The following DGKI variants were observed in gnomAD, a reference collection of about 807,000 sequenced individuals.
DGKI encodes diacylglycerol kinase iota, also known as DAG kinase iota.
A neutral mutation model predicts 147.5 loss-of-function variants in DGKI; 55 were observed. The observed-to-expected ratio is 0.37, with a 90% confidence interval of 0.30 to 0.47. DGKI has a LOEUF of 0.47. Among genes scored for constraint, DGKI ranks in the 20% least tolerant of loss-of-function variants. The pLI, the probability that DGKI is intolerant of heterozygous loss-of-function variation, is 1.00. For synonymous variants in DGKI, 469 were observed against 477.1 expected, an observed-to-expected ratio of 0.98 and a Z score of 0.22; for missense variants, 1,007 against 1,323.8, an observed-to-expected ratio of 0.76 and a Z score of 3.71.
rs76107972 is a variant in DGKI at position 137,723,344 on chromosome 7, G to A, written c.402-33342C>T. On this transcript the variant is annotated intron_variant, in intron 1 of 32. Transcript: ENST00000614521. ...TATATGTGCAAACTCTGCTCCAGGC[G>A]CCATGCTAGACACTTGTGAGAACTG... is the stretch of plus-strand genomic sequence containing the variant. Among the ~76,000 whole-genome samples, 1,307 of 152,268 alleles carry A rather than the reference G, an allele frequency of 8.6e-3. 18 individuals are homozygous for A. The highest frequency in any genetic ancestry group is 0.03 in the African/African-American group (1,232 of 41,542).
chr7:137,823,097 A>G (rs1797950843), intron 1 of DGKI, among the ~76,000 whole-genome samples: 1 of 152,152 alleles, frequency 6.6e-6, no homozygotes, highest in Admixed American at 6.5e-5. Context: ...CTTGGCATTA[A>G]AAGTTTTTAG....
At chr7:137,490,386 T>C (rs1481937839) in intron 21 of DGKI, among the ~76,000 whole-genome samples, 1 of 152,204 alleles carries the variant, frequency 6.6e-6, no homozygotes, top group Non-Finnish European at 1.5e-5. Flanking sequence ...AAATAAATTA[T>C]CAAAACATCA....
intron 29 of DGKI, among the ~76,000 whole-genome samples, chr7:137,408,342 T>C (rs1320927029): frequency 1.3e-5 from 2 of 152,246 alleles, no homozygotes; most frequent in Admixed American, 6.5e-5. Flanking sequence ...ATCTCTATGT[T>C]GGCTTAGCAT....
chr7:137,670,530 A>G (rs1822805869), intron 3 of DGKI, among the ~76,000 whole-genome samples: 1 of 152,178 alleles, frequency 6.6e-6, no homozygotes, highest in Admixed American at 6.5e-5. Flanking sequence ...TGCCACTGAG[A>G]GCACCCCACT....
At chr7:137,790,749 C>CAA (rs1214047859) in intron 1 of DGKI, among the ~76,000 whole-genome samples, 1 of 152,180 alleles carries the variant, frequency 6.6e-6, no homozygotes, top group African/African-American at 2.4e-5. Context: ...CCTGACAAAG[C>CAA]ACTTAATGAC....
chr7:137,482,021 A>G (rs1815389247), intron 23 of DGKI, among the ~76,000 whole-genome samples: 1 of 152,022 alleles, frequency 6.6e-6, no homozygotes, highest in African/African-American at 2.4e-5. Context: ...TCCCACCGGG[A>G]CAAACTAGGG....
intron 21 of DGKI, among the ~76,000 whole-genome samples, chr7:137,489,190 C>T (rs900011133): frequency 1.3e-5 from 2 of 152,080 alleles, no homozygotes; most frequent in South Asian, 2.1e-4. Context: ...ACCTTCACTT[C>T]CCCAATGCCT....
chr7:137,839,375 T>C (rs1798483925), intron 1 of DGKI, among the ~76,000 whole-genome samples: 1 of 152,238 alleles, frequency 6.6e-6, no homozygotes, highest in Admixed American at 6.5e-5. Flanking sequence ...AATAATTTTA[T>C]CACCAGCTGC....
intron 28 of DGKI, among the ~76,000 whole-genome samples, chr7:137,424,558 C>A (rs543507077): frequency 6.6e-6 from 1 of 152,202 alleles, no homozygotes; most frequent in East Asian, 1.9e-4. Flanking sequence ...ATGCAGTGCA[C>A]CGTGCGCGAG....
At chr7:137,816,754 T>C (rs1046563075) in intron 1 of DGKI, among the ~76,000 whole-genome samples, 2 of 152,208 alleles carry the variant, frequency 1.3e-5, no homozygotes, top group African/African-American at 4.8e-5. Context: ...CAAATTTTTA[T>C]ATGACAATAG....
At position 137,490,619 on chromosome 7, in the gene DGKI, G is replaced by A. The variant is rs184737927; in HGVS notation, c.2249-2930C>T. 3.3e-5 allele frequency among the ~76,000 whole-genome samples: 5 copies of A among 152,076 alleles called. No individual in the cohort carries two copies. The East Asian group carries it at 9.7e-4, about 29-fold the overall frequency. On this transcript the variant is annotated intron_variant, in intron 21 of 32. Coordinates refer to ENST00000614521, the MANE Select transcript of DGKI (RefSeq NM_001321708.2). ...TATTGTAATCTGACACTTCCATTTG[G>A]GCCTTTACATGGCGAAGAAAAAGCA... is the stretch of plus-strand genomic sequence containing the variant.
chr7:137,486,651 A>G (rs1185063391), intron 22 of DGKI, among the ~76,000 whole-genome samples: 1 of 152,150 alleles, frequency 6.6e-6, no homozygotes, highest in Non-Finnish European at 1.5e-5. Context: ...CAAAATCAGT[A>G]ATTTTTCACA....
At chr7:137,498,890 T>C (rs1358197664) in intron 21 of DGKI, among the ~76,000 whole-genome samples, 1 of 152,140 alleles carries the variant, frequency 6.6e-6, no homozygotes, top group Non-Finnish European at 1.5e-5. Flanking sequence ...TTCCCTGTGA[T>C]AATATATTCA....
intron 3 of DGKI, among the ~76,000 whole-genome samples, chr7:137,662,377 G>A (rs1032605975): frequency 1.3e-5 from 2 of 151,788 alleles, no homozygotes; most frequent in African/African-American, 4.8e-5. Flanking sequence ...CCAAGTAGCT[G>A]GGACTACAGG....
At chr7:137,688,751 C>A (rs1309962050) in intron 2 of DGKI, among the ~76,000 whole-genome samples, 2 of 152,144 alleles carry the variant, frequency 1.3e-5, no homozygotes, top group East Asian at 3.8e-4. Flanking sequence ...TGCAAATATA[C>A]TCTATTGTGG....
At chr7:137,407,457 A>T (rs1811999519) in intron 30 of DGKI, among the ~76,000 whole-genome samples, 1 of 152,224 alleles carries the variant, frequency 6.6e-6, no homozygotes, top group Non-Finnish European at 1.5e-5. Flanking sequence ...GAAACTGGAA[A>T]GATGCAAAAC....
intron 1 of DGKI, among the ~76,000 whole-genome samples, chr7:137,718,530 C>A (rs1455504032): frequency 6.6e-6 from 1 of 152,168 alleles, no homozygotes; most frequent in Non-Finnish European, 1.5e-5. Context: ...GCGCTTTCTC[C>A]TTGGATACGC....
chr7:137,803,216 G>A (rs147942694), intron 1 of DGKI, among the ~76,000 whole-genome samples: 2 of 152,288 alleles, frequency 1.3e-5, no homozygotes, highest in Non-Finnish European at 1.5e-5. Flanking sequence ...GGAAATTCAG[G>A]ACACAGTGAG....
chr7:137,422,904 T>C (rs959449860), intron 28 of DGKI, among the ~76,000 whole-genome samples: 17 of 152,118 alleles, frequency 1.1e-4, no homozygotes, highest in African/African-American at 4.1e-4. Flanking sequence ...GCGCCCACCC[T>C]TGTAAAGCAT....
Sources: allele counts gnomAD v4.1 joint callset (sites outside exome capture counted in the v4.1 genomes callset), GRCh38; gene constraint gnomAD v4.1.1; transcripts MANE v1.5; gene names NCBI Gene and HGNC (gene_info 2026-07-23, HGNC 2026-07-21).